Variants in CTNNA3 observed in about 807,000 individuals in gnomAD.
The protein encoded by CTNNA3 is catenin alpha-3.
CTNNA3 carries 76 observed loss-of-function variants against 95.7 expected under a neutral mutation model. The observed-to-expected ratio is 0.79, with a 90% CI of 0.66 to 0.96. The LOEUF (loss-of-function observed/expected upper bound fraction) is 0.96. Ranked by LOEUF, CTNNA3 falls within the 40% of genes least tolerant of loss-of-function variation. The probability of loss-of-function intolerance (pLI) is 0.00; values close to 1 mark genes in which losing one functional copy is unlikely to be tolerated. For synonymous variants in CTNNA3, 431 were observed against 374.4 expected, an observed-to-expected ratio of 1.15 and a Z score of -1.74; for missense variants, 1,191 against 1,089.8, an observed-to-expected ratio of 1.09 and a Z score of -1.31.
At chr10:67,230,859 C>T (rs75665291) in intron 5 of CTNNA3, among the ~76,000 whole-genome samples, 2 of 152,176 alleles carry the variant, frequency 1.3e-5, no homozygotes, top group African/African-American at 2.4e-5. Flanking sequence ...TTGCCTCACT[C>T]GGGAAGCGCA....
At chr10:66,172,697 C>A (rs950603773) in intron 13 of CTNNA3, among the ~76,000 whole-genome samples, 1 of 152,004 alleles carries the variant, frequency 6.6e-6, no homozygotes, top group Admixed American at 6.6e-5. Context: ...AATTCATATA[C>A]AGTGAAGAAG....
intron 13 of CTNNA3, among the ~76,000 whole-genome samples, chr10:66,267,944 T>C (rs1439838382): frequency 6.6e-6 from 1 of 152,178 alleles, no homozygotes; most frequent in Non-Finnish European, 1.5e-5. Flanking sequence ...TCTAAATCTT[T>C]ACCTGTCATT....
In CTNNA3 at chr10:67,570,999, C is replaced by T. The variant is rs534867277; in HGVS notation, c.293-31330G>A. Reference sequence around the variant, plus strand: ...TGGCAAGATAAGGATGCTGGGGCATCCTTACAAAATTTTTTAGTCAAACAG... The same window carrying T: ...TGGCAAGATAAGGATGCTGGGGCATTCTTACAAAATTTTTTAGTCAAACAG... On this transcript the variant is annotated intron_variant, in intron 3 of 17. Coordinates refer to ENST00000433211, the MANE Select transcript of CTNNA3 (RefSeq NM_013266.4). Among the ~76,000 whole-genome samples, 4 of 152,202 alleles carry T rather than the reference C, an allele frequency of 2.6e-5. No individual in the cohort carries two copies. In the South Asian group the frequency reaches 8.3e-4, roughly 32 times the overall value.
intron 17 of CTNNA3, among the ~76,000 whole-genome samples, chr10:65,959,384 G>C (rs1429291051): frequency 2.0e-5 from 3 of 152,052 alleles, no homozygotes; most frequent in Non-Finnish European, 4.4e-5. Flanking sequence ...ACACTCCATG[G>C]GCTGTACCCA....
intron 11 of CTNNA3, among the ~76,000 whole-genome samples, chr10:66,462,853 T>G (rs977258368): frequency 2.0e-5 from 3 of 152,116 alleles, no homozygotes; most frequent in African/African-American, 4.8e-5. Flanking sequence ...CATTATAAAT[T>G]TAAGTGATAT....
At chr10:65,998,797 T>C (rs1423438518) in intron 15 of CTNNA3, among the ~76,000 whole-genome samples, 3 of 152,110 alleles carry the variant, frequency 2.0e-5, no homozygotes, top group Non-Finnish European at 4.4e-5. Flanking sequence ...AAGTCTTTGT[T>C]CACTAAGAAG....
chr10:67,652,390 G>A (rs1839901827), intron 1 of CTNNA3, among the ~76,000 whole-genome samples: 1 of 152,180 alleles, frequency 6.6e-6, no homozygotes, highest in African/African-American at 2.4e-5. Flanking sequence ...CACATCTAAA[G>A]ATCATTTTAG....
At chr10:66,310,416 T>C (rs1177522373) in intron 12 of CTNNA3, among the ~76,000 whole-genome samples, 1 of 152,158 alleles carries the variant, frequency 6.6e-6, no homozygotes, top group Non-Finnish European at 1.5e-5. Context: ...CCACGATCCA[T>C]TTCTGTACCC....
intron 13 of CTNNA3, among the ~76,000 whole-genome samples, chr10:66,151,599 A>G (rs573539408): frequency 1.2e-4 from 19 of 152,056 alleles, no homozygotes; most frequent in African/African-American, 3.1e-4. Flanking sequence ...GATTTCTAGA[A>G]TGTACTAAAG....
chr10:67,539,502 C>G lies in CTNNA3; in HGVS notation c.459+1G>C. On this transcript the variant is annotated splice_donor_variant, in intron 4 of 17. Transcript: ENST00000433211. LOFTEE classifies it high-confidence loss of function. ...GGTAAACTAAGCCATCTTTTACTTA[C>G]AGCTGACACATGTTGCAAGAGGCAC... is the stretch of plus-strand genomic sequence containing the variant. 6.2e-7 allele frequency: 1 copy of G among 1,612,950 alleles called. No homozygotes were observed. The highest frequency in any genetic ancestry group is 8.5e-7 in the Non-Finnish European group (1 of 1,179,192).
At chr10:66,204,278 C>G (rs1041245983) in intron 13 of CTNNA3, among the ~76,000 whole-genome samples, 1 of 152,100 alleles carries the variant, frequency 6.6e-6, no homozygotes, top group East Asian at 1.9e-4. Context: ...AACCAGTCAA[C>G]ACATCTAAAT....
chr10:66,498,589 G>A (rs1840175131), intron 11 of CTNNA3, among the ~76,000 whole-genome samples: 1 of 152,098 alleles, frequency 6.6e-6, no homozygotes, highest in South Asian at 2.1e-4. Context: ...TGAGTTCAGT[G>A]AATTACAAAA....
intron 17 of CTNNA3, among the ~76,000 whole-genome samples, chr10:65,933,120 T>C (rs1397945335): frequency 6.6e-6 from 1 of 152,028 alleles, no homozygotes; most frequent in East Asian, 1.9e-4. Context: ...AATTTGAATA[T>C]CCATAGATAA....
chr10:66,698,181 T>C (rs1847831532), intron 9 of CTNNA3, among the ~76,000 whole-genome samples: 1 of 152,202 alleles, frequency 6.6e-6, no homozygotes, highest in African/African-American at 2.4e-5. Context: ...ATGTTCTTAA[T>C]ATAAAATCTT....
chr10:67,262,535 G>T lies in CTNNA3; in HGVS notation c.580-42665C>A, dbSNP rs1866661892. Among the ~76,000 whole-genome samples the T allele has an allele frequency of 2.6e-5, 4 of 152,126 alleles. No individual in the cohort carries two copies. In the South Asian group the frequency reaches 8.3e-4, roughly 32 times the overall value. On this transcript the variant is annotated intron_variant, in intron 5 of 17. Transcript: ENST00000433211. ...TAAATCATAAGGGTATCCTACAAAG[G>T]CAGTCTAGAATGTGAGAGGTCTAGG... is the stretch of plus-strand genomic sequence containing the variant.
chr10:67,044,782 C>G (rs555738194), intron 7 of CTNNA3, among the ~76,000 whole-genome samples: 1 of 152,238 alleles, frequency 6.6e-6, no homozygotes, highest in South Asian at 2.1e-4. Context: ...CAGCCTAGCA[C>G]AGTGGAAAGA....
At chr10:67,641,750 C>G (rs1054675726) in intron 2 of CTNNA3, among the ~76,000 whole-genome samples, 47 of 152,210 alleles carry the variant, frequency 3.1e-4, no homozygotes, top group African/African-American at 1.0e-3. Context: ...AGCAAACTAT[C>G]GCAAGGACAA....
At chr10:66,181,003 C>G (rs2131856180) in intron 13 of CTNNA3, among the ~76,000 whole-genome samples, 1 of 152,140 alleles carries the variant, frequency 6.6e-6, no homozygotes, top group Admixed American at 6.5e-5. Flanking sequence ...TGGACCATTT[C>G]TAGTCCAAGT....
intron 7 of CTNNA3, among the ~76,000 whole-genome samples, chr10:66,874,192 G>T (rs1844524300): frequency 6.6e-6 from 1 of 152,136 alleles, no homozygotes; most frequent in African/African-American, 2.4e-5. Context: ...GTCATTGTCT[G>T]TGAACAGCCC....
Sources: gnomAD v4.1 joint callset for allele counts (sites outside exome capture counted in the v4.1 genomes callset) on GRCh38, gnomAD v4.1.1 for gene constraint, MANE v1.5 for transcripts, NCBI Gene and HGNC (gene_info 2026-07-23, HGNC 2026-07-21) for gene names.